The following CDH12 variants were observed in gnomAD, a reference collection of about 807,000 sequenced individuals.
CDH12 encodes the protein cadherin-12.
Under a neutral mutation model 74.1 loss-of-function variants are expected in CDH12, and 41 were observed. The observed-to-expected ratio is 0.55, with a 90% CI of 0.43 to 0.72. The LOEUF (loss-of-function observed/expected upper bound fraction) is 0.72. Ranked by LOEUF, CDH12 falls within the 30% of genes least tolerant of loss-of-function variation. The probability of loss-of-function intolerance (pLI) is 0.00; values close to 1 mark genes in which losing one functional copy is unlikely to be tolerated. For missense variants in CDH12, 945 were observed against 977.2 expected (o/e 0.97, Z 0.44); for synonymous variants, 399 against 355.0 (o/e 1.12, Z -1.39).
chr5:22,384,114 T>A (rs1741886175), intron 3 of CDH12, among the ~76,000 whole-genome samples: 1 of 152,204 alleles, frequency 6.6e-6, no homozygotes, highest in Non-Finnish European at 1.5e-5. Context: ...GATAGCTTTC[T>A]CAATTATTTT....
At chr5:22,290,848 CT>C (rs1488753863) in intron 3 of CDH12, among the ~76,000 whole-genome samples, 7 of 152,056 alleles carry the variant, frequency 4.6e-5, no homozygotes, top group Non-Finnish European at 8.8e-5. Context: ...AGTAAGGAAA[CT>C]AAAGCGGTAA....
intron 6 of CDH12, among the ~76,000 whole-genome samples, chr5:21,915,208 G>A (rs10472473): frequency 0.014 from 2,185 of 152,216 alleles, 58 homozygotes; most frequent in African/African-American, 0.048. Flanking sequence ...AGCACAGGTT[G>A]AACAACAGGC....
intron 3 of CDH12, among the ~76,000 whole-genome samples, chr5:22,372,141 T>A (rs1378815232): frequency 6.6e-6 from 1 of 152,118 alleles, no homozygotes; most frequent in Non-Finnish European, 1.5e-5. Flanking sequence ...GCTAACCAGT[T>A]AAGATTTCTA....
rs531495337 is a variant in CDH12, at chr5:22,510,596, A to C, written c.-522-5232T>G. ...AGGTATCAAGAGCCACAGACGCTCAAGTCTTTTATGTAAAAAGGAATATTA... is the reference window on the plus strand; with the variant it reads ...AGGTATCAAGAGCCACAGACGCTCACGTCTTTTATGTAAAAAGGAATATTA... On this transcript the variant is annotated intron_variant, in intron 1 of 14. Coordinates refer to ENST00000382254, the MANE Select transcript of CDH12 (RefSeq NM_004061.5). 1.3e-3 allele frequency among the ~76,000 whole-genome samples: 198 copies of C among 152,298 alleles called. 3 individuals are homozygous for C. Among genetic ancestry groups the C allele is most frequent in the African/African-American group, 4.5e-3 (185 of 41,572 alleles).
intron 1 of CDH12, among the ~76,000 whole-genome samples, chr5:22,678,147 G>T (rs1378914653): frequency 6.6e-6 from 1 of 151,794 alleles, no homozygotes. Flanking sequence ...TATTTTGACT[G>T]AATCTTGAAC....
chr5:21,884,517 T>C (rs376273670), intron 6 of CDH12, among the ~76,000 whole-genome samples: 6 of 152,328 alleles, frequency 3.9e-5, no homozygotes, highest in Non-Finnish European at 1.5e-5. Context: ...AGATAATTTA[T>C]TTTGTATTTT....
At chr5:22,042,217 CA>C (rs1561050224) in intron 5 of CDH12, among the ~76,000 whole-genome samples, 1 of 151,462 alleles carries the variant, frequency 6.6e-6, no homozygotes, top group Non-Finnish European at 1.5e-5. Context: ...AGAAATATCT[CA>C]AATAAACAAC....
intron 1 of CDH12, among the ~76,000 whole-genome samples, chr5:22,696,283 A>G (rs1742357014): frequency 6.8e-6 from 1 of 146,630 alleles, no homozygotes; most frequent in Admixed American, 7.0e-5. Context: ...AGGCAGGAGA[A>G]TGGGGTGAAC....
intron 5 of CDH12, among the ~76,000 whole-genome samples, chr5:21,995,427 A>C (rs1382959139): frequency 6.6e-6 from 1 of 151,916 alleles, no homozygotes; most frequent in Non-Finnish European, 1.5e-5. Context: ...AAATAATGGA[A>C]GTTAATTAAA....
intron 3 of CDH12, among the ~76,000 whole-genome samples, chr5:22,255,247 C>G (rs1643682170): frequency 2.0e-5 from 3 of 151,440 alleles, no homozygotes; most frequent in African/African-American, 4.8e-5. Flanking sequence ...ATACTTTAAC[C>G]TCTGAAGTAT....
chr5:22,113,855 T>C (rs1450173807), intron 4 of CDH12, among the ~76,000 whole-genome samples: 1 of 152,188 alleles, frequency 6.6e-6, no homozygotes, highest in Admixed American at 6.5e-5. Flanking sequence ...TAGGGGTCAT[T>C]CCTATTTTAA....
intron 5 of CDH12, among the ~76,000 whole-genome samples, chr5:22,064,380 T>A (rs1260794195): frequency 6.6e-6 from 1 of 152,172 alleles, no homozygotes; most frequent in Non-Finnish European, 1.5e-5. Context: ...CTGGAGTATT[T>A]TGACTAATGT....
At chr5:22,823,222 G>A (rs1226701621) in intron 1 of CDH12, among the ~76,000 whole-genome samples, 2 of 147,082 alleles carry the variant, frequency 1.4e-5, no homozygotes, top group Non-Finnish European at 3.0e-5. Flanking sequence ...ATCACACTCC[G>A]GGGACTGTTG....
chr5:22,522,190 T>C (rs1027590058), intron 1 of CDH12, among the ~76,000 whole-genome samples: 1 of 152,312 alleles, frequency 6.6e-6, no homozygotes, highest in East Asian at 1.9e-4. Context: ...AGGTAAACTA[T>C]AGTTAGTATG....
chr5:22,571,740 C>G (rs1739551178), intron 1 of CDH12, among the ~76,000 whole-genome samples: 1 of 152,022 alleles, frequency 6.6e-6, no homozygotes, highest in Admixed American at 6.6e-5. Context: ...TGTTATGTCT[C>G]AGGGAATAGG....
intron 5 of CDH12, among the ~76,000 whole-genome samples, chr5:22,058,976 C>T (rs1375703489): frequency 6.6e-6 from 1 of 151,980 alleles, no homozygotes; most frequent in Non-Finnish European, 1.5e-5. Flanking sequence ...TTAAATTATT[C>T]CTAGTTCCCA....
intron 3 of CDH12, among the ~76,000 whole-genome samples, chr5:22,381,554 T>C (rs979378996): frequency 2.6e-5 from 4 of 152,056 alleles, no homozygotes; most frequent in Non-Finnish European, 5.9e-5. Context: ...TTTTCTATTA[T>C]TGAGTCTCTT....
chr5:21,779,149 T>C (rs1745767241), intron 11 of CDH12: 2 of 152,186 alleles, frequency 1.3e-5, no homozygotes, highest in Admixed American at 6.5e-5. Flanking sequence ...TATTTTATAA[T>C]CATATAAAAT....
intron 1 of CDH12, among the ~76,000 whole-genome samples, chr5:22,596,161 G>C (rs1196285430): frequency 6.6e-6 from 1 of 151,086 alleles, no homozygotes; most frequent in Non-Finnish European, 1.5e-5. Flanking sequence ...AAAAAGCCAG[G>C]CATGGTGGCT....
Sources: gnomAD v4.1 joint callset for allele counts (sites outside exome capture counted in the v4.1 genomes callset) on GRCh38, gnomAD v4.1.1 for gene constraint, MANE v1.5 for transcripts, NCBI Gene and HGNC (gene_info 2026-07-23, HGNC 2026-07-21) for gene names.